The following MALRD1 variants were observed in gnomAD, a reference collection of about 807,000 sequenced individuals.
MALRD1 encodes MAM and LDL receptor class A domain containing 1.
In MALRD1, 247 loss-of-function variants were observed where a neutral mutation model predicts 242.1. The observed-to-expected ratio is 1.02, with a 90% CI of 0.92 to 1.13. MALRD1 has a LOEUF of 1.13. Ranked by LOEUF, MALRD1 falls within the 50% of genes most tolerant of loss-of-function variation. MALRD1 has a pLI of 0.00. For synonymous variants in MALRD1, 995 were observed against 866.6 expected, an observed-to-expected ratio of 1.15 and a Z score of -2.60; for missense variants, 2,989 against 2,533.1, an observed-to-expected ratio of 1.18 and a Z score of -3.86.
rs1161230753 is a variant in MALRD1, at chr10:19,192,952, C to T, written c.1952-10776C>T. ...GCTTTTTTTTTCCAGCTGCTTTTAA[C>T]ATTTTTCTCTCTGGCACAGATTTTT... On this transcript the variant is annotated intron_variant, in intron 14 of 39. Transcript: ENST00000454679. Among the ~76,000 whole-genome samples the T allele has an allele frequency of 4.6e-5, 7 of 152,042 alleles. No individual in the cohort carries two copies. The East Asian group carries it at 1.3e-3, about 29-fold the overall frequency.
At chr10:19,366,762 A>G (rs927349413) in intron 26 of MALRD1, among the ~76,000 whole-genome samples, 1 of 152,078 alleles carries the variant, frequency 6.6e-6, no homozygotes, top group African/African-American at 2.4e-5. Flanking sequence ...AAGTACCTGG[A>G]ACTTTGGTTG....
At chr10:19,251,121 G>C (rs1353078803) in intron 18 of MALRD1, among the ~76,000 whole-genome samples, 1 of 151,838 alleles carries the variant, frequency 6.6e-6, no homozygotes, top group African/African-American at 2.4e-5. Flanking sequence ...GGGAGGGGAG[G>C]CTGAGTTGAT....
Position 19,148,592 on chromosome 10 carries a change from T to C in MALRD1, c.1558+2248T>C, listed in dbSNP as rs528757351. Among the ~76,000 whole-genome samples the C allele has an allele frequency of 2.0e-5, 3 of 151,638 alleles. No homozygotes were observed. The East Asian group carries it at 5.8e-4, about 29-fold the overall frequency. ...CCATCTTATAATTACTACATAACTA[T>C]GATTTGCATTAAAAAGATTCTAATA... On this transcript the variant is annotated intron_variant, in intron 11 of 39. Coordinates refer to ENST00000454679, the MANE Select transcript of MALRD1 (RefSeq NM_001142308.3).
At chr10:19,689,673 T>C (rs143022496) in intron 36 of MALRD1, among the ~76,000 whole-genome samples, 214 of 152,318 alleles carry the variant, frequency 1.4e-3, no homozygotes, top group African/African-American at 5.0e-3. Context: ...CAATTTTATT[T>C]TGGTTTTGCT....
chr10:19,116,056 C>A (rs952431233), intron 5 of MALRD1, among the ~76,000 whole-genome samples: 3 of 152,022 alleles, frequency 2.0e-5, no homozygotes, highest in African/African-American at 7.2e-5. Context: ...AACCTCTGCC[C>A]CTTCCAAGAT....
intron 32 of MALRD1, among the ~76,000 whole-genome samples, chr10:19,543,646 C>G (rs1279383624): frequency 6.6e-6 from 1 of 151,970 alleles, no homozygotes; most frequent in Admixed American, 6.6e-5. Flanking sequence ...ATAAATTAAC[C>G]TAATAATGCC....
chr10:19,072,661 A>G (rs1835189896), intron 2 of MALRD1, among the ~76,000 whole-genome samples: 1 of 152,082 alleles, frequency 6.6e-6, no homozygotes, highest in African/African-American at 2.4e-5. Flanking sequence ...ATACATTATA[A>G]TCTTAATTTT....
intron 21 of MALRD1, among the ~76,000 whole-genome samples, chr10:19,307,291 A>T (rs1051028607): frequency 1.3e-5 from 2 of 151,502 alleles, no homozygotes; most frequent in Admixed American, 1.3e-4. Context: ...TAAGGGGGAT[A>T]CTTGATGAAT....
In MALRD1 at chr10:19,692,289, C is replaced by T; in HGVS notation, c.6145C>T (p.Gln2049Ter). ...ATTTTATCTCCTTTCCAGATGTAGA[C>T]AAGGCTGGAAAGGAAATCGATGCCA... ...EKNGPMCRCR[Q>*]GWKGNRCHIK... Residue 2049 changes from glutamine (Q) to a stop codon, truncating the protein, a stop_gained, in exon 37 of 40, where the codon CAA (glutamine) becomes TAA (stop). Transcript: ENST00000454679. LOFTEE classifies it high-confidence loss of function. 1 of 1,533,714 alleles carries T rather than the reference C, an allele frequency of 6.5e-7. No homozygotes were observed. Among genetic ancestry groups the T allele is most frequent in the Non-Finnish European group, 8.7e-7 (1 of 1,145,330 alleles).
intron 18 of MALRD1, among the ~76,000 whole-genome samples, chr10:19,211,305 G>C (rs978767512): frequency 2.7e-4 from 41 of 151,920 alleles, no homozygotes; most frequent in African/African-American, 8.9e-4. Flanking sequence ...TTTTATCTAA[G>C]GCTCCTTTTA....
intron 18 of MALRD1, among the ~76,000 whole-genome samples, chr10:19,241,505 T>G (rs1474679010): frequency 6.6e-6 from 1 of 152,136 alleles, no homozygotes; most frequent in Non-Finnish European, 1.5e-5. Flanking sequence ...ACCTTTACAC[T>G]TTGTTTTATT....
At chr10:19,328,222 G>A (rs1843216986) in intron 23 of MALRD1, among the ~76,000 whole-genome samples, 1 of 152,046 alleles carries the variant, frequency 6.6e-6, no homozygotes, top group South Asian at 2.1e-4. Context: ...AGATGAAAAT[G>A]TTTAAACTGG....
rs757755514 is a variant in MALRD1, at chr10:19,440,675, A to G, written c.4846-9632A>G. ...ATGTCCCTACAAAGGACATGGACTCATCCTTTTTTATCACTGCATAGTATT... is the reference window on the plus strand; with the variant it reads ...ATGTCCCTACAAAGGACATGGACTCGTCCTTTTTTATCACTGCATAGTATT... On this transcript the variant is annotated intron_variant, in intron 28 of 39. Coordinates refer to ENST00000454679, the MANE Select transcript of MALRD1 (RefSeq NM_001142308.3). Among the ~76,000 whole-genome samples the G allele has an allele frequency of 2.9e-4, 44 of 152,220 alleles. 1 individual carries two copies. Among genetic ancestry groups the G allele is most frequent in the Middle Eastern group, 6.8e-3 (2 of 294 alleles).
intron 18 of MALRD1, among the ~76,000 whole-genome samples, chr10:19,245,741 G>A (rs1255166884): frequency 2.0e-5 from 3 of 152,098 alleles, no homozygotes; most frequent in African/African-American, 2.4e-5. Flanking sequence ...AGAATCCTAG[G>A]AATCTGTATT....
At position 19,404,856 on chromosome 10, in the gene MALRD1, A is replaced by G. The variant is rs570932380; in HGVS notation, c.4845+15247A>G. 5.9e-4 allele frequency among the ~76,000 whole-genome samples: 90 copies of G among 152,296 alleles called. No homozygotes were observed. The Middle Eastern group carries it at 0.017, about 29-fold the overall frequency. On this transcript the variant is annotated intron_variant, in intron 28 of 39. Transcript: ENST00000454679. The stretch of plus-strand genomic sequence containing the variant: ...ACATAACAGAGTACTGGATATATCC[A>G]TTTGCATCTTCTCATATATGGTGAG...
intron 14 of MALRD1, among the ~76,000 whole-genome samples, chr10:19,180,636 A>C (rs1204766504): frequency 6.6e-6 from 1 of 152,190 alleles, no homozygotes; most frequent in African/African-American, 2.4e-5. Context: ...AACATAGGGG[A>C]AAAACTCCTT....
chr10:19,163,015 G>A (rs942431370), intron 12 of MALRD1, among the ~76,000 whole-genome samples: 5 of 151,292 alleles, frequency 3.3e-5, no homozygotes, highest in African/African-American at 1.2e-4. Context: ...GTGCAAGCCT[G>A]TAGTCCCAAT....
intron 26 of MALRD1, among the ~76,000 whole-genome samples, chr10:19,365,726 T>A: frequency 6.6e-6 from 1 of 150,980 alleles, no homozygotes; most frequent in Non-Finnish European, 1.5e-5. Context: ...TTTCTCTCAT[T>A]CGAATCTCTG....
At chr10:19,131,490 A>G (rs1247051221) in intron 8 of MALRD1, among the ~76,000 whole-genome samples, 4 of 152,174 alleles carry the variant, frequency 2.6e-5, no homozygotes, top group Non-Finnish European at 4.4e-5. Flanking sequence ...CTATAAAATA[A>G]TACTCATAGC....
Sources: allele counts gnomAD v4.1 joint callset (sites outside exome capture counted in the v4.1 genomes callset), GRCh38; gene constraint gnomAD v4.1.1; transcripts MANE v1.5; gene names NCBI Gene and HGNC (gene_info 2026-07-23, HGNC 2026-07-21).